Variants in CACNA1A observed in about 807,000 individuals in gnomAD.
The protein encoded by CACNA1A is voltage-dependent P/Q-type calcium channel subunit alpha-1A.
In CACNA1A, 57 loss-of-function variants were observed where a neutral mutation model predicts 262.4. That is an observed-to-expected ratio of 0.22 (90% CI 0.18 to 0.27). The LOEUF is 0.27. CACNA1A is among the 10% of genes least tolerant of loss of function. CACNA1A has a pLI of 1.00. For missense variants in CACNA1A, 2,526 were observed against 3,562.8 expected (o/e 0.71, Z 7.41); for synonymous variants, 1,431 against 1,419.3 (o/e 1.01, Z -0.18).
At position 13,209,414 on chromosome 19, in the gene CACNA1A, G is replaced by T; in HGVS notation, c.6424C>A (p.Arg2142=). ...ARRLDDYSLE[R]VPPEENQRHH... is the part of the protein sequence containing the mutation. ...CGCTGGTTCTCCTCGGGCGGGACCC[G>T]CTCCAGCGAGTAATCGTCCAGGCGT... Residue 2142 remains arginine, a synonymous_variant, in exon 45 of 47, where the codon CGG becomes AGG. Coordinates refer to ENST00000360228, the MANE Select transcript of CACNA1A (RefSeq NM_001127222.2). 5 of 1,392,352 alleles carry T rather than the reference G, an allele frequency of 3.6e-6. No homozygotes were observed. The highest frequency in any genetic ancestry group is 4.7e-6 in the Non-Finnish European group (5 of 1,069,162). 86.2% of individuals were successfully genotyped at this position (1,392,352 alleles called of 1,614,324 possible). A position where few individuals can be genotyped will look rare whatever the true frequency, so the allele number is the denominator to read the frequency against.
intron 6 of CACNA1A, among the ~76,000 whole-genome samples, chr19:13,356,534 T>C (rs1472456939): frequency 2.0e-5 from 3 of 152,196 alleles, no homozygotes; most frequent in Non-Finnish European, 4.4e-5. Flanking sequence ...TGGACAATGA[T>C]GTTTATAACC....
At chr19:13,286,221 T>C (rs1229870376) in intron 20 of CACNA1A, among the ~76,000 whole-genome samples, 1 of 152,144 alleles carries the variant, frequency 6.6e-6, no homozygotes, top group African/African-American at 2.4e-5. Flanking sequence ...AGGACCCTAT[T>C]GCTCCTCAAA....
chr19:13,246,355 G>C (rs1411123247), intron 30 of CACNA1A, among the ~76,000 whole-genome samples: 1 of 152,096 alleles, frequency 6.6e-6, no homozygotes. Context: ...GAAGCAGTGT[G>C]GTCACTTTCT....
intron 3 of CACNA1A, among the ~76,000 whole-genome samples, chr19:13,416,127 G>C (rs1475660792): frequency 6.6e-6 from 1 of 152,146 alleles, no homozygotes; most frequent in Non-Finnish European, 1.5e-5. Flanking sequence ...TTGAGACAAG[G>C]TCTTGCTCTT....
chr19:13,461,977 G>A (rs1001736030), intron 1 of CACNA1A, among the ~76,000 whole-genome samples: 1 of 152,180 alleles, frequency 6.6e-6, no homozygotes, highest in South Asian at 2.1e-4. Context: ...AGAGGCCCCA[G>A]AGAGAGGCTG....
intron 1 of CACNA1A, among the ~76,000 whole-genome samples, chr19:13,491,306 G>A (rs571345620): frequency 6.6e-6 from 1 of 152,272 alleles, no homozygotes; most frequent in East Asian, 1.9e-4. Flanking sequence ...TGAGCTCTGG[G>A]GGCTGGGATG....
intron 7 of CACNA1A, among the ~76,000 whole-genome samples, chr19:13,335,061 C>T (rs1600360322): frequency 1.3e-5 from 2 of 151,872 alleles, no homozygotes; most frequent in East Asian, 1.9e-4. Flanking sequence ...AGAAAAAAAC[C>T]GAAAGGATAA....
intron 1 of CACNA1A, among the ~76,000 whole-genome samples, chr19:13,481,570 G>A (rs866266246): frequency 2.0e-5 from 3 of 152,182 alleles, no homozygotes; most frequent in East Asian, 1.9e-4. Flanking sequence ...TGTTACAGCC[G>A]CTGGGCTGAC....
chr19:13,461,333 C>T (rs1272571368), intron 1 of CACNA1A, among the ~76,000 whole-genome samples: 3 of 137,186 alleles, frequency 2.2e-5, no homozygotes, highest in Non-Finnish European at 4.6e-5. Context: ...GAACGAGACT[C>T]CGTCTCAAAA....
intron 6 of CACNA1A, among the ~76,000 whole-genome samples, chr19:13,337,644 T>A (rs4926269): frequency 6.6e-6 from 1 of 151,586 alleles, no homozygotes; most frequent in Non-Finnish European, 1.5e-5. Context: ...GGTGAGACAA[T>A]AAAACCCATA....
At chr19:13,343,078 T>C (rs879876006) in intron 6 of CACNA1A, among the ~76,000 whole-genome samples, 1 of 151,120 alleles carries the variant, frequency 6.6e-6, no homozygotes, top group Non-Finnish European at 1.5e-5. Flanking sequence ...TTGATATCTC[T>C]GTAGCTTGCT....
chr19:13,456,158 A>G (rs148054358), intron 1 of CACNA1A, among the ~76,000 whole-genome samples: 2,889 of 151,934 alleles, frequency 0.019, 89 homozygotes, highest in African/African-American at 0.065. Flanking sequence ...TCAAAAATAA[A>G]TAAAATAATA....
At chr19:13,469,139 G>A (rs1294742662) in intron 1 of CACNA1A, among the ~76,000 whole-genome samples, 1 of 152,126 alleles carries the variant, frequency 6.6e-6, no homozygotes, top group Non-Finnish European at 1.5e-5. Flanking sequence ...ATGCCATGAA[G>A]GTCCCTCCCA....
intron 10 of CACNA1A, among the ~76,000 whole-genome samples, chr19:13,327,328 C>T (rs1429018771): frequency 2.0e-5 from 3 of 151,710 alleles, no homozygotes; most frequent in Non-Finnish European, 4.4e-5. Context: ...AGTAATCAGG[C>T]TGATGAGGTG....
At chr19:13,460,296 G>C (rs1235016943) in intron 1 of CACNA1A, among the ~76,000 whole-genome samples, 1 of 152,140 alleles carries the variant, frequency 6.6e-6, no homozygotes, top group African/African-American at 2.4e-5. Flanking sequence ...TCAGGGATAG[G>C]AGGAGGAGCT....
intron 3 of CACNA1A, among the ~76,000 whole-genome samples, chr19:13,409,443 G>A (rs1402169042): frequency 1.3e-5 from 2 of 152,000 alleles, no homozygotes; most frequent in African/African-American, 2.4e-5. Flanking sequence ...GTACAAATAC[G>A]CCAGGCACTT....
intron 34 of CACNA1A, among the ~76,000 whole-genome samples, chr19:13,233,451 ACTAT>A (rs2055744413): frequency 2.0e-5 from 3 of 152,192 alleles, no homozygotes; most frequent in Admixed American, 2.0e-4. Flanking sequence ...AACTATCACC[ACTAT>A]CTACCTCTGT....
chr19:13,307,681 T>C (rs2057933209), intron 15 of CACNA1A, 101 bp downstream of exon 15: 2 of 905,740 alleles, frequency 2.2e-6, no homozygotes, highest in South Asian at 1.5e-5. Context: ...AAAGGCCAGG[T>C]AGAGAAGGAG....
At chr19:13,355,172 G>A (rs1314382772) in intron 6 of CACNA1A, among the ~76,000 whole-genome samples, 2 of 150,170 alleles carry the variant, frequency 1.3e-5, no homozygotes, top group African/African-American at 2.4e-5. Context: ...CACTGTGCCC[G>A]GGCTGGGAGG....
Sources: allele counts gnomAD v4.1 joint callset (sites outside exome capture counted in the v4.1 genomes callset), GRCh38; gene constraint gnomAD v4.1.1; transcripts MANE v1.5; gene names NCBI Gene and HGNC (gene_info 2026-07-23, HGNC 2026-07-21).